TRAPPC3: variants seen among roughly 807,000 people sequenced by gnomAD.
The protein encoded by TRAPPC3 is trafficking protein particle complex subunit 3, also known as trafficking protein particle complex 3.
In TRAPPC3, 5 loss-of-function variants were observed where a neutral mutation model predicts 18.2. The ratio of observed to expected loss-of-function variants is 0.28; its 90% CI spans 0.14 to 0.58. The LOEUF is 0.58. Ranked by LOEUF, TRAPPC3 falls within the 20% of genes least tolerant of loss-of-function variation. The pLI, the probability that TRAPPC3 is intolerant of heterozygous loss-of-function variation, is 0.91. For synonymous variants in TRAPPC3, 65 were observed against 84.2 expected (o/e 0.77, Z 1.25); for missense variants, 176 against 225.9 (o/e 0.78, Z 1.41).
upstream of TRAPPC3, among the ~76,000 whole-genome samples, chr1:36,149,738 A>C (rs1281501513): frequency 6.6e-6 from 1 of 152,064 alleles, no homozygotes; most frequent in Non-Finnish European, 1.5e-5. Context: ...TGGGTCACAC[A>C]CACGCTTCCT....
chr1:36,149,402 C>T lies in TRAPPC3; in HGVS notation c.-24G>A, dbSNP rs755377841. 6.2e-6 allele frequency: 10 copies of T among 1,611,848 alleles called. No individual in the cohort carries two copies. The highest frequency in any genetic ancestry group is 8.5e-6 in the Non-Finnish European group (10 of 1,179,616). ...ATGGTGCCGGCCGCCCCGCCCCACT[C>T]GCCTAGCCACGGGTTAGCTCGGCGA... On this transcript the variant is annotated 5_prime_UTR_variant, in exon 1 of 5. Coordinates refer to ENST00000373166, the MANE Select transcript of TRAPPC3 (RefSeq NM_014408.5).
At chr1:36,147,183 G>C (rs532058807) in intron 1 of TRAPPC3, among the ~76,000 whole-genome samples, 2 of 152,006 alleles carry the variant, frequency 1.3e-5, no homozygotes, top group African/African-American at 4.8e-5. Context: ...TTAGCCAGCC[G>C]TAGTGGTTGG....
chr1:36,154,252 C>A (rs1013682296), upstream of TRAPPC3, among the ~76,000 whole-genome samples: 11 of 152,166 alleles, frequency 7.2e-5, no homozygotes, highest in Non-Finnish European at 1.5e-4. Flanking sequence ...GATCCTCCCA[C>A]CTTGGCCTCC....
At chr1:36,141,958 C>CAAA (rs71053907) in intron 1 of TRAPPC3, among the ~76,000 whole-genome samples, 54 of 64,070 alleles carry the variant, frequency 8.4e-4, no homozygotes, top group East Asian at 1.4e-3. Flanking sequence ...ATTCCGTCTC[C>CAAA]AAAAAAAAAA....
intron 1 of TRAPPC3, among the ~76,000 whole-genome samples, chr1:36,146,205 A>G (rs1644196290): frequency 6.6e-6 from 1 of 151,590 alleles, no homozygotes. Context: ...CAGCCTCCTG[A>G]GTAGCTGGGA....
chr1:36,145,849 C>A (rs1644187132), intron 1 of TRAPPC3, among the ~76,000 whole-genome samples: 1 of 152,236 alleles, frequency 6.6e-6, no homozygotes, highest in Non-Finnish European at 1.5e-5. Context: ...TCTCGGCTCA[C>A]TGCAAGCTCC....
At chr1:36,137,676 T>A (rs546469348) in intron 4 of TRAPPC3, 120 bp downstream of exon 4, 2 of 1,040,452 alleles carry the variant, frequency 1.9e-6, no homozygotes, top group Non-Finnish European at 2.8e-6. Flanking sequence ...CATCACCATC[T>A]CAGGCAGTAA....
chr1:36,143,614 C>A lies in TRAPPC3; in HGVS notation c.43-3448G>T, dbSNP rs376659351. On this transcript the variant is annotated intron_variant, in intron 1 of 4. Transcript: ENST00000373166. The stretch of plus-strand genomic sequence containing the variant: ...TCACTGAACATAAGCACCACATCTC[C>A]GCTACCACCAGAAACATGAATCGCT... Among the ~76,000 whole-genome samples the A allele has an allele frequency of 4.6e-5, 7 of 152,168 alleles. No individual in the cohort carries two copies. The East Asian group carries it at 1.3e-3, about 29-fold the overall frequency.
chr1:36,136,913 T>C lies in TRAPPC3; in HGVS notation c.*290A>G, dbSNP rs1644033323. On this transcript the variant is annotated 3_prime_UTR_variant, in exon 5 of 5. Transcript: ENST00000373166. The stretch of plus-strand genomic sequence containing the variant: ...AAAGTGAGTTTTGCTTTGGAAAAAT[T>C]CAAACAGGAATGTAAAATGGTTTGA... 1 of 233,652 alleles carries C rather than the reference T, an allele frequency of 4.3e-6. No homozygotes were observed. Among genetic ancestry groups the C allele is most frequent in the Non-Finnish European group, 8.4e-6 (1 of 119,690 alleles). The allele number at this position is 233,652 out of a possible 1,614,324, so 14.5% of individuals were successfully genotyped here.
chr1:36,138,729 G>A (rs1205709177), intron 3 of TRAPPC3, among the ~76,000 whole-genome samples: 2 of 152,048 alleles, frequency 1.3e-5, no homozygotes, highest in Admixed American at 1.3e-4. Context: ...TTTTCTTCAT[G>A]TTAAAGATGA....
intron 1 of TRAPPC3, chr1:36,155,836 C>T (rs911284512): frequency 2.0e-5 from 3 of 152,354 alleles, no homozygotes; most frequent in South Asian, 2.1e-4. Context: ...CCTGCTCCCC[C>T]TCTCCCCCAG....
chr1:36,151,847 G>A (rs1170678143), upstream of TRAPPC3, among the ~76,000 whole-genome samples: 1 of 152,190 alleles, frequency 6.6e-6, no homozygotes, highest in Non-Finnish European at 1.5e-5. Flanking sequence ...GAACCCAAAG[G>A]GTTGAATCTA....
chr1:36,140,285 GAAC>G, intron 1 of TRAPPC3, 119 bp from the exon 2 acceptor site: 1 of 624,752 alleles, frequency 1.6e-6, no homozygotes, highest in South Asian at 3.5e-5. Flanking sequence ...TGGAGGGAAA[GAAC>G]ATCATCCCCT....
At chr1:36,138,929 G>A (rs943962317) in intron 3 of TRAPPC3, among the ~76,000 whole-genome samples, 1 of 151,430 alleles carries the variant, frequency 6.6e-6, no homozygotes, top group South Asian at 2.1e-4. Context: ...GCAGCTACTC[G>A]GGAGGCTGAG....
chr1:36,137,096 A>G lies in TRAPPC3; in HGVS notation c.*107T>C, dbSNP rs916357987. 127 of 1,316,138 alleles carry G rather than the reference A, an allele frequency of 9.6e-5. No homozygotes were observed. The highest frequency in any genetic ancestry group is 1.3e-4 in the Non-Finnish European group (122 of 945,238). The allele number at this position is 1,316,138 out of a possible 1,614,324, so 81.5% of individuals were successfully genotyped here. On this transcript the variant is annotated 3_prime_UTR_variant, in exon 5 of 5. Transcript: ENST00000373166. ...GAATGGAAACAGGTTATAAGAATAT[A>G]TAACATCCATGTTCAAGAGTCACTG...
intron 1 of TRAPPC3, among the ~76,000 whole-genome samples, chr1:36,142,990 C>T (rs370323975): frequency 6.6e-6 from 1 of 152,084 alleles, no homozygotes; most frequent in Non-Finnish European, 1.5e-5. Context: ...TGTAATTGTA[C>T]CACTGTACTC....
At chr1:36,137,371 T>G in intron 4 of TRAPPC3, 49 bp from the exon 5 acceptor site, 1 of 1,587,422 alleles carries the variant, frequency 6.3e-7, no homozygotes, top group Non-Finnish European at 8.6e-7. Flanking sequence ...CCACAGCCTC[T>G]AGGGAACCAG....
At chr1:36,151,220 T>C (rs1215455566), upstream of TRAPPC3, among the ~76,000 whole-genome samples, 3 of 152,026 alleles carry the variant, frequency 2.0e-5, no homozygotes, top group Non-Finnish European at 4.4e-5. Context: ...CTCACTCAGA[T>C]AGGTTCTTAA....
intron 1 of TRAPPC3, among the ~76,000 whole-genome samples, chr1:36,141,161 AAAAAG>A (rs2124149332): frequency 1.1e-5 from 1 of 91,790 alleles, no homozygotes; most frequent in East Asian, 2.4e-4. Flanking sequence ...CTGTCAAAAA[AAAAAG>A]AAGAATTCTG....
Sources: allele counts gnomAD v4.1 joint callset (sites outside exome capture counted in the v4.1 genomes callset), GRCh38; gene constraint gnomAD v4.1.1; transcripts MANE v1.5; gene names NCBI Gene and HGNC (gene_info 2026-07-23, HGNC 2026-07-21).